CLEC2D: variants seen among roughly 807,000 people sequenced by gnomAD.
CLEC2D encodes C-type lectin domain family 2 member D.
Under a neutral mutation model 20.0 loss-of-function variants are expected in CLEC2D, and 16 were observed. The ratio of observed to expected loss-of-function variants is 0.80; its 90% CI spans 0.54 to 1.22. The LOEUF is 1.22. Among genes scored for constraint, CLEC2D ranks in the 50% most tolerant of loss-of-function variants. The pLI, the probability that CLEC2D is intolerant of heterozygous loss-of-function variation, is 0.00. For missense variants in CLEC2D, 207 were observed against 221.5 expected (o/e 0.93, Z 0.42); for synonymous variants, 77 against 71.1 (o/e 1.08, Z -0.42).
chr12:9,691,942 G>A (rs1196308048), intron 3 of CLEC2D, among the ~76,000 whole-genome samples: 1 of 152,098 alleles, frequency 6.6e-6, no homozygotes, highest in Admixed American at 6.6e-5. Flanking sequence ...AAAGAAAATT[G>A]TTTATATATT....
intron 4 of CLEC2D, chr12:9,693,899 T>G (rs1865920004): frequency 2.5e-6 from 1 of 405,612 alleles, no homozygotes; most frequent in South Asian, 1.7e-5. Context: ...TTGACTTCCC[T>G]GGCTCAAGTG....
At chr12:9,685,359 C>T (rs963624745) in intron 2 of CLEC2D, among the ~76,000 whole-genome samples, 2 of 152,198 alleles carry the variant, frequency 1.3e-5, no homozygotes, top group South Asian at 2.1e-4. Flanking sequence ...CAGAAGAGCT[C>T]GAGCACTGTG....
Position 9,698,615 on chromosome 12 carries a change from A to G in CLEC2D, c.*3741A>G, listed in dbSNP as rs1866056384. 6.6e-6 allele frequency: 1 copy of G among 152,214 alleles called. No homozygotes were observed. Among genetic ancestry groups the G allele is most frequent in the Non-Finnish European group, 1.5e-5 (1 of 68,040 alleles). The allele number at this position is 152,214 out of a possible 1,614,324, so 9.4% of individuals were successfully genotyped here. ...GTCTGGGCAATAATTTTTGGATTTG[A>G]CCTCAAAAGTAGATGCAACCACAGT... is the stretch of plus-strand genomic sequence containing the variant. On this transcript the variant is annotated 3_prime_UTR_variant, in exon 5 of 5. Transcript: ENST00000290855.
At chr12:9,691,487 A>C (rs1167381394) in intron 3 of CLEC2D, among the ~76,000 whole-genome samples, 1 of 151,450 alleles carries the variant, frequency 6.6e-6, no homozygotes, top group Non-Finnish European at 1.5e-5. Flanking sequence ...CACATGGAAC[A>C]TTCTTAAACC....
At chr12:9,694,231 G>A (rs113784531) in intron 4 of CLEC2D, among the ~76,000 whole-genome samples, 2,084 of 152,144 alleles carry the variant, frequency 0.014, 55 homozygotes, top group African/African-American at 0.048. Flanking sequence ...TCAACAATTA[G>A]CAAATTATAT....
chr12:9,696,423 C>G lies in CLEC2D; in HGVS notation c.*1549C>G, dbSNP rs1393437822. The G allele has an allele frequency of 6.5e-6, 3 of 462,564 alleles. No individual in the cohort carries two copies. The highest frequency in any genetic ancestry group is 8.0e-6 in the Non-Finnish European group (2 of 251,556). The allele number at this position is 462,564 out of a possible 1,614,324, so 28.7% of individuals were successfully genotyped here. Reference sequence around the variant, plus strand: ...TTAGTTTTTAAAGATGGAACTCCACCCTTTGCTTGGTTTTAAGTATGTATG... The same window carrying G: ...TTAGTTTTTAAAGATGGAACTCCACGCTTTGCTTGGTTTTAAGTATGTATG... On this transcript the variant is annotated 3_prime_UTR_variant, in exon 5 of 5. Coordinates refer to ENST00000290855, the MANE Select transcript of CLEC2D (RefSeq NM_013269.6).
intron 1 of CLEC2D, among the ~76,000 whole-genome samples, chr12:9,674,572 T>C (rs1300753094): frequency 3.9e-5 from 6 of 152,360 alleles, no homozygotes; most frequent in Non-Finnish European, 1.5e-5. Flanking sequence ...TGTTTTCTTT[T>C]GTAAGAAACT....
intron 3 of CLEC2D, among the ~76,000 whole-genome samples, 164 bp from the exon 4 acceptor site, chr12:9,692,664 T>A (rs1241426271): frequency 6.6e-6 from 1 of 152,228 alleles, no homozygotes; most frequent in Non-Finnish European, 1.5e-5. Flanking sequence ...CTTCTTTTGA[T>A]ATGTATGATA....
At chr12:9,670,659 T>C in intron 1 of CLEC2D, among the ~76,000 whole-genome samples, 1 of 152,228 alleles carries the variant, frequency 6.6e-6, no homozygotes, top group East Asian at 1.9e-4. Context: ...AATTTGAACA[T>C]TTTGAACAAA....
At chr12:9,675,606 T>C (rs1329395106) in intron 1 of CLEC2D, among the ~76,000 whole-genome samples, 5 of 152,202 alleles carry the variant, frequency 3.3e-5, no homozygotes, top group Non-Finnish European at 5.9e-5. Context: ...CCTTCAATAA[T>C]GTGTTTGCTT....
intron 1 of CLEC2D, among the ~76,000 whole-genome samples, chr12:9,673,628 C>G (rs1387324249): frequency 6.6e-6 from 1 of 152,238 alleles, no homozygotes; most frequent in Non-Finnish European, 1.5e-5. Flanking sequence ...TTCATCTGGT[C>G]TCTTCAGAGC....
At chr12:9,673,167 G>GT (rs1865456778) in intron 1 of CLEC2D, among the ~76,000 whole-genome samples, 1 of 152,104 alleles carries the variant, frequency 6.6e-6, no homozygotes, top group Non-Finnish European at 1.5e-5. Context: ...AATTTTCACC[G>GT]TTTTTTCATT....
intron 1 of CLEC2D, among the ~76,000 whole-genome samples, chr12:9,670,405 T>TA (rs34744011): frequency 1.3e-5 from 2 of 152,190 alleles, no homozygotes; most frequent in Non-Finnish European, 2.9e-5. Flanking sequence ...CCTCCCAACT[T>TA]AAAAGGTAAT....
In CLEC2D at chr12:9,694,760, G is replaced by A; in HGVS notation, c.462G>A (p.Gln154=). The change falls in exon 5 of 5, where the codon CAG becomes CAA. Residue 154 remains glutamine, a splice_region_variant and synonymous_variant. Coordinates refer to ENST00000290855, the MANE Select transcript of CLEC2D (RefSeq NM_013269.6). The part of the protein sequence containing the change: ...KWINGTEWTR[Q]FPILGAGECA... Reference sequence around the variant, plus strand: ...ACTGATTCTGCTTCTTCTCTTGCAGGTTTCCTATCCTGGGAGCAGGAGAGT... The same window carrying A: ...ACTGATTCTGCTTCTTCTCTTGCAGATTTCCTATCCTGGGAGCAGGAGAGT... The A allele has an allele frequency of 6.3e-7, 1 of 1,581,974 alleles. No homozygotes were observed. Among genetic ancestry groups the A allele is most frequent in the South Asian group, 1.1e-5 (1 of 90,370 alleles).
At position 9,680,993 on chromosome 12, in the gene CLEC2D, T is replaced by G; in HGVS notation, c.132T>G (p.Phe44Leu). Residue 44 changes from phenylalanine to leucine, a missense_variant, in exon 2 of 5, where the codon TTT becomes TTG. Phe to Leu is a conservative substitution (Grantham distance 22). Coordinates refer to ENST00000290855, the MANE Select transcript of CLEC2D (RefSeq NM_013269.6). ...GGCGCTTATTTTTCTTAATCATGTT[T>G]CTGACAATCATAGTGTGTGGAATGG... ...LIWRLFFLIMFLTIIVCGMVA... is the reference protein window; with the variant it reads ...LIWRLFFLIMLLTIIVCGMVA... The G allele has an allele frequency of 6.2e-7, 1 of 1,605,366 alleles. No homozygotes were observed. The highest frequency in any genetic ancestry group is 8.5e-7 in the Non-Finnish European group (1 of 1,172,876).
chr12:9,685,199 C>G lies in CLEC2D; in HGVS notation c.173-2703C>G, dbSNP rs1457540365. ...AGAAAAGCAAAGATTGCTGCCTGCTCCTTCCTCTGGAAGCTTCATCCCAGA... is the reference window on the plus strand; with the variant it reads ...AGAAAAGCAAAGATTGCTGCCTGCTGCTTCCTCTGGAAGCTTCATCCCAGA... On this transcript the variant is annotated intron_variant, in intron 2 of 4. Transcript: ENST00000290855. Among the ~76,000 whole-genome samples, 5 of 152,204 alleles carry G rather than the reference C, an allele frequency of 3.3e-5. No individual in the cohort carries two copies. In the East Asian group the frequency reaches 9.6e-4, roughly 29 times the overall value.
chr12:9,696,399 T>C lies in CLEC2D; in HGVS notation c.*1525T>C. 2 of 482,766 alleles carry C rather than the reference T, an allele frequency of 4.1e-6. No individual in the cohort carries two copies. Among genetic ancestry groups the C allele is most frequent in the South Asian group, 4.2e-5 (2 of 47,740 alleles). 29.9% of individuals were successfully genotyped at this position (482,766 alleles called of 1,614,324 possible). A position where few individuals can be genotyped will look rare whatever the true frequency, so the allele number is the denominator to read the frequency against. On this transcript the variant is annotated 3_prime_UTR_variant, in exon 5 of 5. Transcript: ENST00000290855. Reference sequence around the variant, plus strand: ...GAATGTGTTGTCCAAAATGCCTGTTTAGTTTTTAAAGATGGAACTCCACCC... The same window carrying C: ...GAATGTGTTGTCCAAAATGCCTGTTCAGTTTTTAAAGATGGAACTCCACCC...
In CLEC2D at chr12:9,696,411, A is replaced by T; in HGVS notation, c.*1537A>T. 1 of 472,794 alleles carries T rather than the reference A, an allele frequency of 2.1e-6. No individual in the cohort carries two copies. Among genetic ancestry groups the T allele is most frequent in the Non-Finnish European group, 3.9e-6 (1 of 257,740 alleles). The allele number at this position is 472,794 out of a possible 1,614,324, so 29.3% of individuals were successfully genotyped here. A position where few individuals can be genotyped will look rare whatever the true frequency, so the allele number is the denominator to read the frequency against. ...CAAAATGCCTGTTTAGTTTTTAAAGATGGAACTCCACCCTTTGCTTGGTTT... is the reference window on the plus strand; with the variant it reads ...CAAAATGCCTGTTTAGTTTTTAAAGTTGGAACTCCACCCTTTGCTTGGTTT... On this transcript the variant is annotated 3_prime_UTR_variant, in exon 5 of 5. Coordinates refer to ENST00000290855, the MANE Select transcript of CLEC2D (RefSeq NM_013269.6).
chr12:9,683,335 GTTTTTTTT>G (rs1357039664), intron 2 of CLEC2D, among the ~76,000 whole-genome samples: 4 of 11,288 alleles, frequency 3.5e-4, no homozygotes, highest in Admixed American at 2.6e-3. Context: ...TTTTGTGTTT[GTTTTTTTT>G]TTTTTTTTTT....
Sources: gnomAD v4.1 joint callset for allele counts (sites outside exome capture counted in the v4.1 genomes callset) on GRCh38, gnomAD v4.1.1 for gene constraint, MANE v1.5 for transcripts, NCBI Gene and HGNC (gene_info 2026-07-23, HGNC 2026-07-21) for gene names.